FAM13C: variants seen among roughly 807,000 people sequenced by gnomAD.
The protein encoded by FAM13C is family with sequence similarity 13 member C, also known as protein FAM13C.
Under a neutral mutation model 73.2 loss-of-function variants are expected in FAM13C, and 37 were observed. The observed-to-expected ratio is 0.51, with a 90% confidence interval of 0.39 to 0.67. FAM13C has a LOEUF of 0.67. Ranked by LOEUF, FAM13C falls within the 30% of genes least tolerant of loss-of-function variation. The pLI, the probability that FAM13C is intolerant of heterozygous loss-of-function variation, is 0.00. For missense variants in FAM13C, 589 were observed against 715.6 expected (o/e 0.82, Z 2.02); for synonymous variants, 246 against 260.9 (o/e 0.94, Z 0.55).
chr10:59,302,327 G>GA (rs1847703007), intron 5 of FAM13C, among the ~76,000 whole-genome samples: 1 of 152,196 alleles, frequency 6.6e-6, no homozygotes, highest in Non-Finnish European at 1.5e-5. Flanking sequence ...ATTTGGATTG[G>GA]AAAATACGGC....
chr10:59,300,317 G>A (rs1847444410), intron 5 of FAM13C, among the ~76,000 whole-genome samples: 1 of 152,176 alleles, frequency 6.6e-6, no homozygotes, highest in South Asian at 2.1e-4. Context: ...GAAACATCTG[G>A]AAAACACTTT....
chr10:59,317,196 A>G (rs935350457), intron 4 of FAM13C, among the ~76,000 whole-genome samples: 4 of 151,912 alleles, frequency 2.6e-5, no homozygotes, highest in Admixed American at 2.6e-4. Context: ...CCTCATTGAC[A>G]AATAACTATA....
chr10:59,361,063 G>A (rs1210421143), intron 1 of FAM13C: 5 of 1,288,966 alleles, frequency 3.9e-6, no homozygotes, highest in Non-Finnish European at 4.0e-6. Flanking sequence ...CCTCATCTTC[G>A]GCCTGCAGAT....
intron 10 of FAM13C, among the ~76,000 whole-genome samples, chr10:59,255,820 A>T (rs544578573): frequency 5.6e-4 from 85 of 152,298 alleles, no homozygotes; most frequent in Non-Finnish European, 1.1e-3. Flanking sequence ...TTATCTCATT[A>T]TCTGGGCCTT....
Position 59,254,331 on chromosome 10 carries a change from C to T in FAM13C, c.1332+17G>A. 6.7e-7 allele frequency: 1 copy of T among 1,493,760 alleles called. No homozygotes were observed. The highest frequency in any genetic ancestry group is 1.3e-5 in the South Asian group (1 of 79,076). 92.5% of individuals were successfully genotyped at this position (1,493,760 alleles called of 1,614,324 possible). A position where few individuals can be genotyped will look rare whatever the true frequency, so the allele number is the denominator to read the frequency against. On this transcript the variant is annotated intron_variant, in intron 11 of 13. Coordinates refer to ENST00000618804, the MANE Select transcript of FAM13C (RefSeq NM_198215.4). Reference sequence around the variant, plus strand: ...CACATCAGTACAAAGTAACAGCATGCAAGTATCCTGACTTACAATTGTTGG... The same window carrying T: ...CACATCAGTACAAAGTAACAGCATGTAAGTATCCTGACTTACAATTGTTGG...
chr10:59,329,975 T>C (rs988023459), intron 3 of FAM13C, among the ~76,000 whole-genome samples: 2 of 152,156 alleles, frequency 1.3e-5, no homozygotes, highest in Non-Finnish European at 2.9e-5. Flanking sequence ...TCTGAAGACC[T>C]TGCAGAGTCT....
chr10:59,247,848 T>G, intron 13 of FAM13C, 111 bp from the exon 14 acceptor site: 2 of 986,714 alleles, frequency 2.0e-6, no homozygotes, highest in Non-Finnish European at 2.9e-6. Context: ...CACTTGGTTT[T>G]TGCATCATGT....
chr10:59,348,039 T>C (rs933288321), intron 3 of FAM13C, among the ~76,000 whole-genome samples: 3 of 152,152 alleles, frequency 2.0e-5, no homozygotes, highest in African/African-American at 4.8e-5. Flanking sequence ...GTTTTTAACC[T>C]GGTTAGGATC....
chr10:59,345,033 G>A (rs116724239), intron 3 of FAM13C, among the ~76,000 whole-genome samples: 1,743 of 152,218 alleles, frequency 0.011, 32 homozygotes, highest in African/African-American at 0.04. Flanking sequence ...AGGAAAAACC[G>A]TAAATTCTTT....
chr10:59,269,893 T>C lies in FAM13C; in HGVS notation c.803+6A>G. On this transcript the variant is annotated splice_donor_region_variant and intron_variant, in intron 7 of 13. Coordinates refer to ENST00000618804, the MANE Select transcript of FAM13C (RefSeq NM_198215.4). ...AATGAAGACAATAACAAAACAGTTT[T>C]CTCACATCATAAACTGCTGAGTGCT... 1 of 1,613,614 alleles carries C rather than the reference T, an allele frequency of 6.2e-7. No individual in the cohort carries two copies. The highest frequency in any genetic ancestry group is 8.5e-7 in the Non-Finnish European group (1 of 1,179,706).
rs1856535174 is a variant in FAM13C, at chr10:59,362,485, T to A, written c.-25A>T. The stretch of plus-strand genomic sequence containing the variant: ...TCAGCCAAGTCTGGCCGGGGAGCCG[T>A]CTCCCTGATTGCTCTCCGGGAGTTA... On this transcript the variant is annotated 5_prime_UTR_variant, in exon 1 of 14. Coordinates refer to ENST00000618804, the MANE Select transcript of FAM13C (RefSeq NM_198215.4). 6.2e-7 allele frequency: 1 copy of A among 1,610,012 alleles called. No homozygotes were observed. The highest frequency in any genetic ancestry group is 1.3e-5 in the African/African-American group (1 of 74,896).
At chr10:59,289,775 A>G (rs973589342) in intron 5 of FAM13C, among the ~76,000 whole-genome samples, 2 of 152,138 alleles carry the variant, frequency 1.3e-5, no homozygotes, top group African/African-American at 4.8e-5. Flanking sequence ...TTCCCTCTAC[A>G]GAAAGATGAG....
chr10:59,308,393 TCAC>T (rs1490748510), intron 4 of FAM13C, among the ~76,000 whole-genome samples: 2 of 144,042 alleles, frequency 1.4e-5, no homozygotes, highest in East Asian at 4.1e-4. Context: ...ACCACCACCA[TCAC>T]CACAACCACC....
intron 13 of FAM13C, among the ~76,000 whole-genome samples, chr10:59,249,408 G>GAAAAAA (rs71006241): frequency 1.6e-4 from 16 of 99,140 alleles, no homozygotes; most frequent in East Asian, 3.3e-4. Flanking sequence ...CGTCTCAAAA[G>GAAAAAA]AAAAAAAAAA....
chr10:59,343,844 AT>A (rs1266072988), intron 3 of FAM13C, among the ~76,000 whole-genome samples: 2 of 152,112 alleles, frequency 1.3e-5, no homozygotes, highest in Non-Finnish European at 2.9e-5. Flanking sequence ...GTTATTTGTT[AT>A]TGCAGCAGAG....
In FAM13C at chr10:59,268,577, T is replaced by A. The variant is rs375445603; in HGVS notation, c.918A>T (p.Lys306Asn). Reference protein sequence around the residue: ...LKRKIRKFEEKFEQEKKYRPS... With the variant: ...LKRKIRKFEENFEQEKKYRPS... ...CCCGGTATTTCTTTTCTTGTTCAAA[T>A]TTTTCTTCAAATTTCCGAATTTTCC... Residue 306 changes from lysine to asparagine, a missense_variant, in exon 8 of 14, where the codon AAA becomes AAT. Lys to Asn is a moderately conservative substitution (Grantham distance 94, BLOSUM62 0). Coordinates refer to ENST00000618804, the MANE Select transcript of FAM13C (RefSeq NM_198215.4). 5 of 1,613,696 alleles carry A rather than the reference T, an allele frequency of 3.1e-6. No homozygotes were observed. Among genetic ancestry groups the A allele is most frequent in the Non-Finnish European group, 4.2e-6 (5 of 1,179,818 alleles).
chr10:59,308,418 C>T (rs1016708743), intron 4 of FAM13C, among the ~76,000 whole-genome samples: 4 of 151,778 alleles, frequency 2.6e-5, no homozygotes, highest in Admixed American at 6.6e-5. Flanking sequence ...CAACCACTGC[C>T]ATCACCTCCA....
intron 3 of FAM13C, among the ~76,000 whole-genome samples, chr10:59,334,546 G>C (rs1022022456): frequency 6.6e-6 from 1 of 152,096 alleles, no homozygotes; most frequent in Non-Finnish European, 1.5e-5. Flanking sequence ...AAGAAAACGT[G>C]CCACATATAC....
At chr10:59,334,223 G>A (rs1184031247) in intron 3 of FAM13C, among the ~76,000 whole-genome samples, 2 of 152,130 alleles carry the variant, frequency 1.3e-5, no homozygotes, top group East Asian at 3.9e-4. Context: ...GGAGGAAATG[G>A]AATATTATGT....
Sources: gnomAD v4.1 joint callset for allele counts (sites outside exome capture counted in the v4.1 genomes callset) on GRCh38, gnomAD v4.1.1 for gene constraint, MANE v1.5 for transcripts, NCBI Gene and HGNC (gene_info 2026-07-23, HGNC 2026-07-21) for gene names.